EPHA6: variants seen among roughly 807,000 people sequenced by gnomAD.
EPHA6 encodes EPH receptor A6, also known as ephrin type-A receptor 6.
Under a neutral mutation model 112.0 loss-of-function variants are expected in EPHA6, and 50 were observed. The ratio of observed to expected loss-of-function variants is 0.45; its 90% CI spans 0.36 to 0.56. The LOEUF is 0.56. Ranked by LOEUF, EPHA6 falls within the 20% of genes least tolerant of loss-of-function variation. The pLI is 0.00. For synonymous variants in EPHA6, 529 were observed against 490.7 expected, an observed-to-expected ratio of 1.08 and a Z score of -1.03; for missense variants, 1,280 against 1,417.4, an observed-to-expected ratio of 0.90 and a Z score of 1.56.
chr3:97,439,082 C>G (rs1404391425), intron 6 of EPHA6, among the ~76,000 whole-genome samples: 2 of 152,102 alleles, frequency 1.3e-5, no homozygotes, highest in South Asian at 2.1e-4. Flanking sequence ...CATCAGTGTA[C>G]TTCTGTGCCT....
intron 7 of EPHA6, among the ~76,000 whole-genome samples, chr3:97,466,703 T>G (rs2091067294): frequency 6.6e-6 from 1 of 151,974 alleles, no homozygotes; most frequent in Admixed American, 6.6e-5. Flanking sequence ...ATATTAATAG[T>G]AACTTGAGAA....
At chr3:97,020,820 C>G (rs1192763966) in intron 3 of EPHA6, among the ~76,000 whole-genome samples, 1 of 152,046 alleles carries the variant, frequency 6.6e-6, no homozygotes, top group Non-Finnish European at 1.5e-5. Context: ...CTGTTCTTAA[C>G]CCATTTATTA....
chr3:97,145,849 A>T (rs2076031096), intron 3 of EPHA6, among the ~76,000 whole-genome samples: 1 of 151,634 alleles, frequency 6.6e-6, no homozygotes, highest in Non-Finnish European at 1.5e-5. Context: ...TCATATAATG[A>T]GTTGAGCACT....
chr3:97,490,679 C>A (rs2091817192), intron 10 of EPHA6, among the ~76,000 whole-genome samples: 1 of 152,202 alleles, frequency 6.6e-6, no homozygotes, highest in African/African-American at 2.4e-5. Flanking sequence ...TCGACAGCAA[C>A]AACTTTTAGC....
At chr3:97,591,900 A>T (rs1261537169) in intron 11 of EPHA6, among the ~76,000 whole-genome samples, 1 of 152,040 alleles carries the variant, frequency 6.6e-6, no homozygotes, top group Non-Finnish European at 1.5e-5. Flanking sequence ...AGTGGTTTTA[A>T]CTAGATGATC....
At chr3:97,481,358 C>G in intron 9 of EPHA6, 1 of 1,551,106 alleles carries the variant, frequency 6.4e-7, no homozygotes, top group South Asian at 1.1e-5. Context: ...TCCAACATAG[C>G]TATTCTGAGA....
At chr3:96,864,481 C>T (rs917478974) in intron 1 of EPHA6, among the ~76,000 whole-genome samples, 4 of 151,968 alleles carry the variant, frequency 2.6e-5, no homozygotes, top group African/African-American at 9.7e-5. Flanking sequence ...TTATTTGACA[C>T]TCTGGAAAAG....
At chr3:97,712,909 G>A (rs2034041953) in intron 14 of EPHA6, among the ~76,000 whole-genome samples, 1 of 152,136 alleles carries the variant, frequency 6.6e-6, no homozygotes, top group Admixed American at 6.5e-5. Flanking sequence ...TCTTTCCATA[G>A]TTAAGAATTT....
At chr3:97,632,911 G>A (rs188421582) in intron 13 of EPHA6, among the ~76,000 whole-genome samples, 3 of 152,202 alleles carry the variant, frequency 2.0e-5, no homozygotes, top group African/African-American at 7.2e-5. Flanking sequence ...TTGTTAGAAA[G>A]TAATGTGTTG....
At chr3:97,028,618 C>A (rs774984801) in intron 3 of EPHA6, among the ~76,000 whole-genome samples, 23 of 151,974 alleles carry the variant, frequency 1.5e-4, no homozygotes, top group Non-Finnish European at 2.9e-4. Context: ...AATGTTATCT[C>A]TAATAGAGTT....
At chr3:97,069,859 G>GA (rs1326565385) in intron 3 of EPHA6, among the ~76,000 whole-genome samples, 1 of 151,976 alleles carries the variant, frequency 6.6e-6, no homozygotes, top group Non-Finnish European at 1.5e-5. Context: ...GATTAAAAGG[G>GA]AAAATAGGAA....
At chr3:97,619,587 A>G (rs925391563) in intron 13 of EPHA6, among the ~76,000 whole-genome samples, 2 of 152,098 alleles carry the variant, frequency 1.3e-5, no homozygotes, top group East Asian at 3.9e-4. Context: ...TACAAAATCA[A>G]TGTGGAATCA....
intron 2 of EPHA6, among the ~76,000 whole-genome samples, chr3:96,867,170 CTG>C (rs1435805895): frequency 6.6e-6 from 1 of 151,744 alleles, no homozygotes; most frequent in Non-Finnish European, 1.5e-5. Context: ...ATATAAATTT[CTG>C]TGTGTAAGTT....
At chr3:97,644,586 TA>T (rs1425245354) in intron 14 of EPHA6, among the ~76,000 whole-genome samples, 1 of 151,710 alleles carries the variant, frequency 6.6e-6, no homozygotes, top group Admixed American at 6.6e-5. Flanking sequence ...ATAGACACAA[TA>T]AAAAATGATA....
intron 16 of EPHA6, among the ~76,000 whole-genome samples, chr3:97,738,892 T>G (rs1219817611): frequency 2.0e-5 from 3 of 152,056 alleles, no homozygotes; most frequent in African/African-American, 7.2e-5. Flanking sequence ...GTTCTAAGGT[T>G]CACATGCCTG....
chr3:96,896,585 G>C (rs2038282336), intron 2 of EPHA6, among the ~76,000 whole-genome samples: 1 of 152,154 alleles, frequency 6.6e-6, no homozygotes, highest in Admixed American at 6.5e-5. Flanking sequence ...TGTGGCATCA[G>C]GTCTCCATCA....
chr3:97,059,363 T>C (rs2045948374), intron 3 of EPHA6, among the ~76,000 whole-genome samples: 1 of 152,148 alleles, frequency 6.6e-6, no homozygotes, highest in South Asian at 2.1e-4. Flanking sequence ...TCAGACCCCT[T>C]AGGGCATTCC....
chr3:97,666,969 C>T (rs1040324968), intron 14 of EPHA6, among the ~76,000 whole-genome samples: 7 of 152,202 alleles, frequency 4.6e-5, no homozygotes, highest in African/African-American at 1.7e-4. Flanking sequence ...GTCATATGCC[C>T]TATTCTAAGT....
chr3:97,223,818 T>C (rs2108539175), intron 3 of EPHA6, among the ~76,000 whole-genome samples: 1 of 152,330 alleles, frequency 6.6e-6, no homozygotes, highest in Middle Eastern at 3.4e-3. Flanking sequence ...GGCAACGTTG[T>C]AATCCAAGTT....
Sources: allele counts gnomAD v4.1 joint callset (sites outside exome capture counted in the v4.1 genomes callset), GRCh38; gene constraint gnomAD v4.1.1; transcripts MANE v1.5; gene names NCBI Gene and HGNC (gene_info 2026-07-23, HGNC 2026-07-21).